The following WDPCP variants were observed in gnomAD, a reference collection of about 807,000 sequenced individuals.
WDPCP encodes WD repeat containing planar cell polarity effector, also known as WD repeat-containing and planar cell polarity effector protein fritz homolog.
In WDPCP, 71 loss-of-function variants were observed where a neutral mutation model predicts 93.1. The ratio of observed to expected loss-of-function variants is 0.76; its 90% CI spans 0.63 to 0.93. The LOEUF is 0.93. WDPCP is among the 40% of genes least tolerant of loss of function. The probability of loss-of-function intolerance (pLI) is 0.00; values close to 1 mark genes in which losing one functional copy is unlikely to be tolerated. For synonymous variants in WDPCP, 315 were observed against 315.0 expected (o/e 1.00, Z 0.00); for missense variants, 844 against 887.4 (o/e 0.95, Z 0.62).
intron 17 of WDPCP, among the ~76,000 whole-genome samples, chr2:63,134,271 C>A (rs1670471398): frequency 6.6e-6 from 1 of 152,104 alleles, no homozygotes; most frequent in African/African-American, 2.4e-5. Flanking sequence ...CTCTCTTTCC[C>A]AGTTTTATTT....
chr2:63,747,083 G>A (rs1030322716), intron 2 of WDPCP, among the ~76,000 whole-genome samples: 11 of 152,068 alleles, frequency 7.2e-5, no homozygotes, highest in Non-Finnish European at 1.2e-4. Context: ...GAAAAGGACC[G>A]ACGTTGAAAT....
At chr2:63,747,993 CAGAG>C (rs909533745) in intron 2 of WDPCP, among the ~76,000 whole-genome samples, 14 of 151,246 alleles carry the variant, frequency 9.3e-5, no homozygotes, top group African/African-American at 2.9e-4. Context: ...AATATATATA[CAGAG>C]AGAGAGAGTG....
At chr2:63,839,343 AGGTCAGG>A in the WDPCP span, among the ~76,000 whole-genome samples, 2 of 152,140 alleles carry the variant, frequency 1.3e-5, no homozygotes, top group African/African-American at 4.8e-5. Context: ...GCGGATCACA[AGGTCAGG>A]GGTTTGAGAC....
chr2:63,406,149 G>A (rs1259370522), intron 9 of WDPCP, among the ~76,000 whole-genome samples: 1 of 151,968 alleles, frequency 6.6e-6, no homozygotes, highest in Non-Finnish European at 1.5e-5. Context: ...GGGAGGGGTG[G>A]GGAGTTGATG....
chr2:63,637,634 A>C (rs900214553), intron 3 of WDPCP, among the ~76,000 whole-genome samples: 8 of 152,182 alleles, frequency 5.3e-5, no homozygotes, highest in African/African-American at 1.7e-4. Context: ...GACCTGAATG[A>C]ATATTTTTCC....
chr2:63,214,826 A>G (rs150914616), intron 14 of WDPCP, among the ~76,000 whole-genome samples: 98 of 152,310 alleles, frequency 6.4e-4, no homozygotes, highest in African/African-American at 2.3e-3. Context: ...CTGTACACCA[A>G]TAACAGACAA....
intron 9 of WDPCP, among the ~76,000 whole-genome samples, chr2:63,405,898 T>G (rs1423838281): frequency 6.6e-6 from 1 of 152,112 alleles, no homozygotes; most frequent in South Asian, 2.1e-4. Context: ...AAAAGGTGCA[T>G]GTAAAATCTG....
intron 14 of WDPCP, among the ~76,000 whole-genome samples, chr2:63,240,041 G>A (rs1679741870): frequency 6.6e-6 from 1 of 152,000 alleles, no homozygotes; most frequent in African/African-American, 2.4e-5. Context: ...AAATTTTACT[G>A]CTGGAAAAGA....
intron 6 of WDPCP, among the ~76,000 whole-genome samples, chr2:63,460,764 C>CT (rs1698952559): frequency 6.6e-6 from 1 of 151,940 alleles, no homozygotes; most frequent in Non-Finnish European, 1.5e-5. Flanking sequence ...GTTGCTGGGA[C>CT]TACAGGTGCC....
chr2:63,729,848 G>A (rs934713219), intron 2 of WDPCP, among the ~76,000 whole-genome samples: 4 of 152,078 alleles, frequency 2.6e-5, no homozygotes, highest in African/African-American at 7.2e-5. Context: ...AGAGGAATTA[G>A]GTTGTTTGTT....
chr2:63,466,352 T>A (rs1419332322), intron 6 of WDPCP, among the ~76,000 whole-genome samples: 1 of 152,198 alleles, frequency 6.6e-6, no homozygotes, highest in Non-Finnish European at 1.5e-5. Context: ...AATTACAATT[T>A]GGCAAAAGTA....
At chr2:63,517,077 C>T (rs1014216047) in intron 1 of WDPCP, among the ~76,000 whole-genome samples, 1 of 152,180 alleles carries the variant, frequency 6.6e-6, no homozygotes, top group Non-Finnish European at 1.5e-5. Flanking sequence ...TTCTAAACTA[C>T]ATCCTAATCT....
rs760265751 is a variant in WDPCP, at chr2:63,426,273, C to T, written c.825+7472G>A. ...GGGAATCGCTTGAACCCAGTTTAAG[C>T]GGAGGTTGCAGTGAGCCAAGATCAC... On this transcript the variant is annotated intron_variant, in intron 9 of 17. Coordinates refer to ENST00000272321, the MANE Select transcript of WDPCP (RefSeq NM_015910.7). Among the ~76,000 whole-genome samples the T allele has an allele frequency of 5.7e-4, 86 of 151,984 alleles. 5 individuals are homozygous for T. The highest frequency in any genetic ancestry group is 2.6e-4 in the Non-Finnish European group (18 of 67,996).
At chr2:63,628,421 C>A (rs1393016565) in intron 3 of WDPCP, among the ~76,000 whole-genome samples, 1 of 151,970 alleles carries the variant, frequency 6.6e-6, no homozygotes, top group Non-Finnish European at 1.5e-5. Flanking sequence ...AATGAACATA[C>A]CTTCTGACAA....
chr2:63,483,177 A>T (rs1700369533), intron 6 of WDPCP, among the ~76,000 whole-genome samples: 1 of 151,962 alleles, frequency 6.6e-6, no homozygotes, highest in Admixed American at 6.6e-5. Flanking sequence ...AGGCCATGAG[A>T]CATGCCTCTT....
intron 3 of WDPCP, among the ~76,000 whole-genome samples, chr2:63,623,016 T>G (rs2106634001): frequency 6.6e-6 from 1 of 152,342 alleles, no homozygotes. Context: ...GCGCGCCACT[T>G]CCGGCGCAGC....
chr2:63,463,257 G>C (rs1463347719), intron 6 of WDPCP, among the ~76,000 whole-genome samples: 2 of 152,130 alleles, frequency 1.3e-5, no homozygotes, highest in Non-Finnish European at 1.5e-5. Context: ...CAGTGATATG[G>C]AGGTTTTCTA....
At chr2:63,697,400 T>A (rs968890822) in intron 2 of WDPCP, among the ~76,000 whole-genome samples, 1 of 152,158 alleles carries the variant, frequency 6.6e-6, no homozygotes, top group Non-Finnish European at 1.5e-5. Flanking sequence ...CTATGAACTG[T>A]TGCATAATGA....
chr2:63,219,160 T>C (rs1344933800), intron 14 of WDPCP, among the ~76,000 whole-genome samples: 1 of 152,180 alleles, frequency 6.6e-6, no homozygotes, highest in Non-Finnish European at 1.5e-5. Context: ...AGCCAAAACA[T>C]AGGAACATTT....
Sources: gnomAD v4.1 joint callset for allele counts (sites outside exome capture counted in the v4.1 genomes callset) on GRCh38, gnomAD v4.1.1 for gene constraint, MANE v1.5 for transcripts, NCBI Gene and HGNC (gene_info 2026-07-23, HGNC 2026-07-21) for gene names.